The following STRA6 variants were observed in gnomAD, a reference collection of about 807,000 sequenced individuals.
The protein encoded by STRA6 is receptor for retinol uptake STRA6.
STRA6 carries 48 observed loss-of-function variants against 83.6 expected under a neutral mutation model. The ratio of observed to expected loss-of-function variants is 0.57; its 90% CI spans 0.46 to 0.73. The LOEUF (loss-of-function observed/expected upper bound fraction) is 0.73. STRA6 is among the 30% of genes least tolerant of loss of function. STRA6 has a pLI of 0.00. For missense variants in STRA6, 760 were observed against 838.8 expected (o/e 0.91, Z 1.16); for synonymous variants, 353 against 362.3 (o/e 0.97, Z 0.29).
intron 12 of STRA6, 72 bp downstream of exon 12, chr15:74,189,043 T>C: frequency 1.3e-6 from 2 of 1,580,228 alleles, no homozygotes; most frequent in Non-Finnish European, 1.7e-6. Context: ...CATGGCTGAC[T>C]AGGGCATAGA....
chr15:74,195,706 G>C, intron 5 of STRA6, 31 bp from the exon 6 acceptor site: 2 of 1,167,450 alleles, frequency 1.7e-6, no homozygotes, highest in Non-Finnish European at 2.5e-6. Flanking sequence ...CAGTATATTA[G>C]CAAGGGCAAA....
intron 14 of STRA6, 193 bp downstream of exon 14, chr15:74,183,663 C>T: frequency 6.6e-7 from 1 of 1,511,572 alleles, no homozygotes. Context: ...CCGAGGGCTC[C>T]TGTACCCCCA....
chr15:74,193,877 C>T lies in STRA6; in HGVS notation c.643G>A (p.Gly215Ser), dbSNP rs866124525. 24 of 1,613,800 alleles carry T rather than the reference C, an allele frequency of 1.5e-5. No homozygotes were observed. Among genetic ancestry groups the T allele is most frequent in the Non-Finnish European group, 1.9e-5 (23 of 1,179,874 alleles). ...TACCAAAGGCTCAGGAATCCGAGGC[C>T]CAGCAGGAGAGGCAGGGAGGCCAGC... ...SLLASLPLLL[G>S]LGFLSLWYPV... Residue 215 changes from glycine to serine, a missense_variant, in exon 8 of 19, where the codon GGC becomes AGC. Coordinates refer to ENST00000395105, the MANE Select transcript of STRA6 (RefSeq NM_022369.4).
At chr15:74,197,529 G>T in intron 3 of STRA6, 106 bp from the exon 4 acceptor site, 1 of 1,124,232 alleles carries the variant, frequency 8.9e-7, no homozygotes, top group Non-Finnish European at 1.3e-6. Context: ...CCTGCCCAGT[G>T]CACACTCATG....
intron 5 of STRA6, among the ~76,000 whole-genome samples, 151 bp from the exon 6 acceptor site, chr15:74,195,826 A>C (rs1451848511): frequency 6.6e-6 from 1 of 152,220 alleles, no homozygotes. Context: ...GCTAATATGC[A>C]TACTTTGTAG....
intron 7 of STRA6, chr15:74,194,348 C>G (rs963746945): frequency 1.9e-6 from 2 of 1,076,246 alleles, no homozygotes; most frequent in Non-Finnish European, 2.3e-6. Context: ...AGGGCTGAGG[C>G]CTTCCTGGGG....
At chr15:74,202,606 T>C (rs537974984) in intron 1 of STRA6, 107 bp downstream of exon 1, 2 of 1,445,340 alleles carry the variant, frequency 1.4e-6, no homozygotes, top group South Asian at 3.0e-5. Context: ...AGCAGGCGTG[T>C]GTTCAAAGGA....
At chr15:74,203,729 C>CCAAAGTCTG (rs2074183083), upstream of STRA6, among the ~76,000 whole-genome samples, 2 of 152,164 alleles carry the variant, frequency 1.3e-5, no homozygotes, top group South Asian at 4.1e-4. Flanking sequence ...TAAATCCCCT[C>CCAAAGTCTG]CAAAGTCTGA....
In STRA6 at chr15:74,180,088, G is replaced by A. The variant is rs1326510052; in HGVS notation, c.1996C>T (p.Gln666Ter). 1.2e-6 allele frequency: 2 copies of A among 1,612,980 alleles called. No homozygotes were observed. The highest frequency in any genetic ancestry group is 1.7e-6 in the Non-Finnish European group (2 of 1,179,294). Residue 666 changes from glutamine to a stop codon, truncating the protein, a stop_gained, in exon 19 of 19, where the codon CAG becomes TAG. Transcript: ENST00000395105. LOFTEE classifies it high-confidence loss of function. ...GTTGACCTTCCCTGCCCTCAGGGCT[G>A]GGCACCATTGGCACCCAACAGGGCC... ...KTALLGANGAQP is the reference protein window; with the variant it reads ...KTALLGANGA
At chr15:74,209,390 G>A (rs1393873176), upstream of STRA6, 1 of 1,535,412 alleles carries the variant, frequency 6.5e-7, no homozygotes, top group Non-Finnish European at 8.7e-7. Flanking sequence ...ACTCCCAGGG[G>A]GCCACTGCCT....
intron 4 of STRA6, 128 bp downstream of exon 4, chr15:74,197,210 G>T: frequency 1.4e-6 from 1 of 689,928 alleles, no homozygotes; most frequent in Non-Finnish European, 2.5e-6. Flanking sequence ...AAAGCTCCAG[G>T]CTGAGGGCGA....
chr15:74,193,237 T>TC (rs1474417922), intron 8 of STRA6, among the ~76,000 whole-genome samples: 1 of 152,104 alleles, frequency 6.6e-6, no homozygotes, highest in East Asian at 1.9e-4. Flanking sequence ...AACTATCTCT[T>TC]CCCCTTTACT....
At chr15:74,192,293 CG>C (rs535037487) in intron 8 of STRA6, among the ~76,000 whole-genome samples, 4 of 152,020 alleles carry the variant, frequency 2.6e-5, no homozygotes, top group South Asian at 2.1e-4. Context: ...TGTGTCGTCC[CG>C]GGGGGCCGCT....
chr15:74,191,865 G>C (rs1405497021), intron 8 of STRA6: 3 of 387,100 alleles, frequency 7.7e-6, no homozygotes, highest in Non-Finnish European at 1.5e-5. Context: ...GTGTCCCACG[G>C]GCACATCCTA....
rs138968160 is a variant in STRA6 at position 74,180,134 on chromosome 15, G to A, written c.1950C>T (p.Thr650=). The A allele has an allele frequency of 1.9e-5, 31 of 1,613,710 alleles. No homozygotes were observed. Among genetic ancestry groups the A allele is most frequent in the Non-Finnish European group, 2.5e-5 (30 of 1,179,854 alleles). The change falls in exon 19 of 19, where the codon ACC becomes ACT. Residue 650 remains threonine, a synonymous_variant. Transcript: ENST00000395105. ...GLAYTLLHNP[T]LQVFRKTALL... ...GGGCCGTCTTGCGGAAGACCTGCAG[G>A]GTTGGGTTGTGCAGCAGCGTGTAGG...
rs369783852 is a variant in STRA6 at position 74,183,957 on chromosome 15, G to A, written c.1199C>T (p.Ala400Val). The A allele has an allele frequency of 1.2e-6, 2 of 1,613,792 alleles. No homozygotes were observed. Among genetic ancestry groups the A allele is most frequent in the Non-Finnish European group, 1.7e-6 (2 of 1,180,042 alleles). Reference protein sequence around the residue: ...TNLRALHRGAALDLSPLHRSP... With the variant: ...TNLRALHRGAVLDLSPLHRSP... ...CCGATGCAAGGGACTCAAGTCCAGG[G>A]CAGCTCCTCGGTGCAGAGCTCGAAG... Residue 400 changes from alanine to valine, a missense_variant, in exon 14 of 19, where the codon GCC becomes GTC. Ala to Val is a moderately conservative substitution (Grantham distance 64, BLOSUM62 0). Transcript: ENST00000395105.
At chr15:74,197,460 A>G in intron 3 of STRA6, 37 bp from the exon 4 acceptor site, 3 of 1,518,024 alleles carry the variant, frequency 2.0e-6, no homozygotes, top group Non-Finnish European at 2.7e-6. Flanking sequence ...TGGGGTGCCC[A>G]GGCCTCCCCT....
At chr15:74,205,425 G>A (rs10851870), upstream of STRA6, among the ~76,000 whole-genome samples, 61,862 of 151,872 alleles carry the variant, frequency 0.41, 13,019 homozygotes, top group South Asian at 0.6. Context: ...CTTGGCAAGA[G>A]AGGGAGCAGG....
At chr15:74,210,053 G>A (rs911225679), upstream of STRA6, among the ~76,000 whole-genome samples, 9 of 152,118 alleles carry the variant, frequency 5.9e-5, no homozygotes, top group Non-Finnish European at 1.2e-4. Flanking sequence ...AGGGAGAGAG[G>A]GAGAGAGAGA....
Sources: gnomAD v4.1 joint callset for allele counts (sites outside exome capture counted in the v4.1 genomes callset) on GRCh38, gnomAD v4.1.1 for gene constraint, MANE v1.5 for transcripts, NCBI Gene and HGNC (gene_info 2026-07-23, HGNC 2026-07-21) for gene names.